TOM1: variants seen among roughly 807,000 people sequenced by gnomAD.
TOM1 encodes the protein target of Myb protein 1.
A neutral mutation model predicts 61.3 loss-of-function variants in TOM1; 38 were observed. The ratio of observed to expected loss-of-function variants is 0.62; its 90% confidence interval spans 0.48 to 0.81. TOM1 has a LOEUF of 0.81. Ranked by LOEUF, TOM1 falls within the 40% of genes least tolerant of loss-of-function variation. The probability of loss-of-function intolerance (pLI) is 0.00; values close to 1 mark genes in which losing one functional copy is unlikely to be tolerated. For synonymous variants in TOM1, 270 were observed against 268.8 expected (o/e 1.00, Z -0.04); for missense variants, 591 against 659.6 (o/e 0.90, Z 1.14).
At chr22:35,322,284 G>A in intron 3 of TOM1, 1 of 466,458 alleles carries the variant, frequency 2.1e-6, no homozygotes, top group Non-Finnish European at 3.8e-6. Flanking sequence ...CCACTGGCAG[G>A]GAGAGCCTGG....
chr22:35,314,456 C>CG (rs113100190), intron 1 of TOM1, among the ~76,000 whole-genome samples: 6 of 151,890 alleles, frequency 4.0e-5, no homozygotes, highest in African/African-American at 9.7e-5. Context: ...GGGGTGGGGG[C>CG]GGGGGGTCCT....
Position 35,308,958 on chromosome 22 carries a change from G to T in TOM1, c.53-8919G>T, listed in dbSNP as rs180694031. Among the ~76,000 whole-genome samples, 215 of 152,234 alleles carry T rather than the reference G, an allele frequency of 1.4e-3. 1 individual carries two copies. Among genetic ancestry groups the T allele is most frequent in the Non-Finnish European group, 2.4e-3 (162 of 68,016 alleles). On this transcript the variant is annotated intron_variant, in intron 1 of 14. Coordinates refer to ENST00000449058, the MANE Select transcript of TOM1 (RefSeq NM_005488.3). ...GGAAGGGTGGCTCAGCAAATTAGGA[G>T]ATGGATGGAACTTTCCACGCTGGGT...
rs762964236 is a variant in TOM1 at position 35,346,979 on chromosome 22, C to T, written c.1324+10C>T. Reference sequence around the variant, plus strand: ...GGGGTCACCAGCGAAGGTAGTAGTCCCCGCCCCTGCCCGCCCTCTCCTTTC... The same window carrying T: ...GGGGTCACCAGCGAAGGTAGTAGTCTCCGCCCCTGCCCGCCCTCTCCTTTC... On this transcript the variant is annotated intron_variant, in intron 14 of 14. Transcript: ENST00000449058. 1.6e-5 allele frequency: 25 copies of T among 1,610,462 alleles called. 1 individual carries two copies. In the African/African-American group the frequency reaches 2.1e-4, roughly 14 times the overall value.
chr22:35,323,327 G>A lies in TOM1; in HGVS notation c.366+150G>A. 1 of 1,377,058 alleles carries A rather than the reference G, an allele frequency of 7.3e-7. No individual in the cohort carries two copies. The highest frequency in any genetic ancestry group is 1.0e-6 in the Non-Finnish European group (1 of 1,004,586). 85.3% of individuals were successfully genotyped at this position (1,377,058 alleles called of 1,614,324 possible). A position where few individuals can be genotyped will look rare whatever the true frequency, so the allele number is the denominator to read the frequency against. On this transcript the variant is annotated intron_variant, in intron 4 of 14. Transcript: ENST00000449058. The surrounding 1 kb of genome is among the most constrained non-coding windows in gnomAD (Gnocchi z 4.2). ...GTTGTCGGCTGGTGGGATGTTCTGT[G>A]GGGAGGGAGGCTTGCCAACTGCGTG...
At chr22:35,310,990 C>G (rs1161002481) in intron 1 of TOM1, 1 of 152,330 alleles carries the variant, frequency 6.6e-6, no homozygotes, top group East Asian at 1.9e-4. Context: ...CACCAGGAGA[C>G]CTGACCTTTG....
chr22:35,333,182 A>C (rs1928988241), intron 9 of TOM1, 168 bp downstream of exon 9: 1 of 848,588 alleles, frequency 1.2e-6, no homozygotes, highest in African/African-American at 1.7e-5. Flanking sequence ...AAGGTAAATA[A>C]GGCTGTGCCA....
intron 1 of TOM1, among the ~76,000 whole-genome samples, chr22:35,303,579 C>A (rs1217308022): frequency 6.7e-6 from 1 of 149,166 alleles, no homozygotes; most frequent in Non-Finnish European, 1.5e-5. Flanking sequence ...CTCACTGCAA[C>A]CTCTGCCCCC....
chr22:35,345,422 A>T (rs946559692), intron 12 of TOM1: 1 of 477,546 alleles, frequency 2.1e-6, no homozygotes, highest in Non-Finnish European at 3.9e-6. Flanking sequence ...CCCCTCCTCC[A>T]GCCTAGAATC....
At chr22:35,309,087 C>T (rs1191941450) in intron 1 of TOM1, among the ~76,000 whole-genome samples, 1 of 152,142 alleles carries the variant, frequency 6.6e-6, no homozygotes, top group Non-Finnish European at 1.5e-5. Flanking sequence ...TTATGGGGTG[C>T]TTGAAATTCT....
At chr22:35,321,931 A>T (rs968917008) in intron 2 of TOM1, 28 bp from the exon 3 acceptor site, 10 of 1,606,916 alleles carry the variant, frequency 6.2e-6, no homozygotes, top group Non-Finnish European at 8.5e-6. Flanking sequence ...TCTATTCCTA[A>T]GCCCACCCTT....
At chr22:35,301,186 C>T (rs1245055169) in intron 1 of TOM1, among the ~76,000 whole-genome samples, 1 of 152,134 alleles carries the variant, frequency 6.6e-6, no homozygotes, top group Admixed American at 6.5e-5. Flanking sequence ...CTGATGGCGC[C>T]ACTGTACTCC....
Position 35,346,984 on chromosome 22 carries a change from C to T in TOM1, c.1324+15C>T, listed in dbSNP as rs1471022743. ...CACCAGCGAAGGTAGTAGTCCCCGC[C>T]CCTGCCCGCCCTCTCCTTTCCCCAG... On this transcript the variant is annotated intron_variant, in intron 14 of 14. Coordinates refer to ENST00000449058, the MANE Select transcript of TOM1 (RefSeq NM_005488.3). The T allele has an allele frequency of 1.2e-6, 2 of 1,611,256 alleles. No individual in the cohort carries two copies. Among genetic ancestry groups the T allele is most frequent in the Admixed American group, 3.3e-5 (2 of 59,930 alleles).
intron 1 of TOM1, among the ~76,000 whole-genome samples, chr22:35,300,191 T>A (rs186240995): frequency 6.6e-6 from 1 of 152,246 alleles, no homozygotes; most frequent in African/African-American, 2.4e-5. Context: ...TAGATGTATA[T>A]GACAGCCAGT....
chr22:35,332,917 C>T, intron 8 of TOM1, 64 bp from the exon 9 acceptor site: 1 of 1,544,238 alleles, frequency 6.5e-7, no homozygotes, highest in Non-Finnish European at 9.0e-7. Flanking sequence ...AAAAGCTCTG[C>T]CTGGCCGTGT....
chr22:35,330,261 G>A (rs958033694), intron 7 of TOM1, 86 bp from the exon 8 acceptor site: 20 of 1,413,514 alleles, frequency 1.4e-5, no homozygotes, highest in Middle Eastern at 1.9e-4. Flanking sequence ...CAGCCTGGGC[G>A]ACAGAGCTCC....
Position 35,330,379 on chromosome 22 carries a change from G to A in TOM1, c.798G>A (p.Gln266=), listed in dbSNP as rs1238815684. The A allele has an allele frequency of 2.5e-6, 4 of 1,613,274 alleles. No homozygotes were observed. The highest frequency in any genetic ancestry group is 3.4e-6 in the Non-Finnish European group (4 of 1,179,742). Residue 266 remains glutamine, a synonymous_variant, in exon 8 of 15, where the codon CAG becomes CAA. Coordinates refer to ENST00000449058, the MANE Select transcript of TOM1 (RefSeq NM_005488.3). The part of the protein sequence containing the change: ...ELNRTCRAMQ[Q]RVLELIPQIA... ...ACCGCACGTGCCGAGCCATGCAGCAGCGGGTCCTGGAGCTCATCCCTCAGA... is the reference window on the plus strand; with the variant it reads ...ACCGCACGTGCCGAGCCATGCAGCAACGGGTCCTGGAGCTCATCCCTCAGA...
chr22:35,308,238 C>G (rs201590650), intron 1 of TOM1, among the ~76,000 whole-genome samples: 21 of 150,708 alleles, frequency 1.4e-4, no homozygotes, highest in Non-Finnish European at 2.7e-4. Flanking sequence ...GTGTCTGTCT[C>G]TCTCTCTCTC....
At chr22:35,303,131 AAC>A (rs138739) in intron 1 of TOM1, among the ~76,000 whole-genome samples, 3 of 149,250 alleles carry the variant, frequency 2.0e-5, no homozygotes, top group Admixed American at 1.3e-4. Flanking sequence ...CTCCCCTCCC[AAC>A]ACACACACAC....
rs1926620080 is a variant in TOM1 at position 35,309,371 on chromosome 22, C to T, written c.53-8506C>T. On this transcript the variant is annotated intron_variant, in intron 1 of 14. Coordinates refer to ENST00000449058, the MANE Select transcript of TOM1 (RefSeq NM_005488.3). ...CCTTAGAACTGAAAGAGGCCAGGCG[C>T]AGTGGCTCACACCTGTAATCCCAGC... 4.6e-5 allele frequency among the ~76,000 whole-genome samples: 7 copies of T among 152,222 alleles called. 2 individuals are homozygous for T. In the South Asian group the frequency reaches 1.5e-3, roughly 32 times the overall value.
Sources: allele counts gnomAD v4.1 joint callset (sites outside exome capture counted in the v4.1 genomes callset), GRCh38; gene constraint gnomAD v4.1.1; non-coding constraint Gnocchi (gnomAD v3.1); transcripts MANE v1.5; gene names NCBI Gene and HGNC (gene_info 2026-07-23, HGNC 2026-07-21).